The following ITGAV variants were observed in gnomAD, a reference collection of about 807,000 sequenced individuals.
ITGAV encodes the protein integrin alpha-V.
ITGAV carries 76 observed loss-of-function variants against 143.8 expected under a neutral mutation model. The observed-to-expected ratio is 0.53, with a 90% CI of 0.44 to 0.64. ITGAV has a LOEUF of 0.64. ITGAV is among the 30% of genes least tolerant of loss of function. The pLI, the probability that ITGAV is intolerant of heterozygous loss-of-function variation, is 0.00. For missense variants in ITGAV, 1,193 were observed against 1,274.7 expected, an observed-to-expected ratio of 0.94 and a Z score of 0.98; for synonymous variants, 453 against 446.7, an observed-to-expected ratio of 1.01 and a Z score of -0.18.
chr2:186,590,552 G>T, intron 1 of ITGAV, 29 bp downstream of exon 1: 1 of 1,588,866 alleles, frequency 6.3e-7, no homozygotes, highest in Non-Finnish European at 8.6e-7. Context: ...AACTGGAGCC[G>T]GCCCCCTCCC....
At chr2:186,641,170 C>T (rs61765182) in intron 11 of ITGAV, among the ~76,000 whole-genome samples, 4,473 of 151,990 alleles carry the variant, frequency 0.029, 220 homozygotes, top group African/African-American at 0.1. Context: ...GCTTTTATAA[C>T]ATGAACAAAT....
intron 28 of ITGAV, 54 bp from the exon 29 acceptor site, chr2:186,676,759 T>C: frequency 6.5e-7 from 1 of 1,546,230 alleles, no homozygotes; most frequent in Non-Finnish European, 8.8e-7. Flanking sequence ...CTCAGATATT[T>C]GTTGATTAAG....
rs200216626 is a variant in ITGAV at position 186,602,005 on chromosome 2, C to T, written c.186-16C>T. On this transcript the variant is annotated splice_polypyrimidine_tract_variant and intron_variant, in intron 1 of 29. Transcript: ENST00000261023. ...TTGTTTCATTTAAACTTTGGTCTGC[C>T]GCTTTTGTATTTTAGCCGGATGTTT... is the stretch of plus-strand genomic sequence containing the variant. 42 of 1,598,992 alleles carry T rather than the reference C, an allele frequency of 2.6e-5. No individual in the cohort carries two copies. Among genetic ancestry groups the T allele is most frequent in the Middle Eastern group, 3.3e-4 (2 of 5,976 alleles).
In ITGAV at chr2:186,677,639, TTTG is replaced by T. The variant is rs750013127; in HGVS notation, c.*377_*379del. 1,548 of 188,380 alleles carry T rather than the reference TTTG, an allele frequency of 8.2e-3. 3 individuals carry two copies. Among genetic ancestry groups the T allele is most frequent in the Middle Eastern group, 0.015 (6 of 402 alleles). 11.7% of individuals were successfully genotyped at this position (188,380 alleles called of 1,614,324 possible). On this transcript the variant is annotated 3_prime_UTR_variant, in exon 30 of 30. Coordinates refer to ENST00000261023, the MANE Select transcript of ITGAV (RefSeq NM_002210.5). ...TTCTGATTTAATGTACGGAACTTTATTTGTTGTTGTTGTTGTTGTTGTTGTTGT... is the reference window on the plus strand; with the variant it reads ...TTCTGATTTAATGTACGGAACTTTATTTGTTGTTGTTGTTGTTGTTGTTGT...
At chr2:186,635,636 A>T (rs1687928261) in intron 6 of ITGAV, among the ~76,000 whole-genome samples, 1 of 152,226 alleles carries the variant, frequency 6.6e-6, no homozygotes, top group Non-Finnish European at 1.5e-5. Context: ...AAGGTTGTGA[A>T]CAAAGGTGAA....
intron 1 of ITGAV, among the ~76,000 whole-genome samples, chr2:186,593,321 A>G (rs1051940081): frequency 1.3e-5 from 2 of 152,202 alleles, no homozygotes; most frequent in South Asian, 2.1e-4. Context: ...ATGAATCAAT[A>G]TTTATTAAAG....
At chr2:186,663,334 C>CTG (rs1458459531) in intron 18 of ITGAV, among the ~76,000 whole-genome samples, 16 of 152,200 alleles carry the variant, frequency 1.1e-4, no homozygotes, top group African/African-American at 3.1e-4. Flanking sequence ...GCCCTATTTC[C>CTG]TGATATTGGT....
intron 13 of ITGAV, among the ~76,000 whole-genome samples, chr2:186,649,123 TTTCA>T (rs1688353174): frequency 6.6e-6 from 1 of 151,632 alleles, no homozygotes; most frequent in East Asian, 1.9e-4. Flanking sequence ...TTTGCTTTTC[TTTCA>T]TTCATTCATT....
At chr2:186,621,678 T>C (rs1383141787) in intron 2 of ITGAV, among the ~76,000 whole-genome samples, 1 of 152,216 alleles carries the variant, frequency 6.6e-6, no homozygotes, top group Admixed American at 6.5e-5. Flanking sequence ...ATCCCAGGTG[T>C]CCTGTAGGCA....
At chr2:186,606,810 C>A (rs1687078644) in intron 2 of ITGAV, among the ~76,000 whole-genome samples, 1 of 152,058 alleles carries the variant, frequency 6.6e-6, no homozygotes, top group South Asian at 2.1e-4. Context: ...GGTTGTGGCA[C>A]CGACCCAACC....
At chr2:186,624,286 G>A (rs1025898732) in intron 3 of ITGAV, among the ~76,000 whole-genome samples, 17 of 152,022 alleles carry the variant, frequency 1.1e-4, no homozygotes, top group African/African-American at 2.9e-4. Context: ...AATTATTTAC[G>A]TAGTATTTAT....
rs1689299306 is a variant in ITGAV at position 186,679,547 on chromosome 2, A to ACCC, written c.*2255_*2256insCCC. On this transcript the variant is annotated 3_prime_UTR_variant, in exon 30 of 30. Transcript: ENST00000261023. Reference sequence around the variant, plus strand: ...AAAAATTGCCCTATGAAAACTTTAAATCTCTAAAACATTTGAAATACTACC... The same window carrying ACCC: ...AAAAATTGCCCTATGAAAACTTTAAACCCTCTCTAAAACATTTGAAATACTACC... 2 of 152,042 alleles carry ACCC rather than the reference A, an allele frequency of 1.3e-5. No homozygotes were observed. Among genetic ancestry groups the ACCC allele is most frequent in the East Asian group, 3.9e-4 (2 of 5,194 alleles). 9.4% of individuals were successfully genotyped at this position (152,042 alleles called of 1,614,324 possible). A position where few individuals can be genotyped will look rare whatever the true frequency, so the allele number is the denominator to read the frequency against.
intron 1 of ITGAV, among the ~76,000 whole-genome samples, chr2:186,598,847 T>C (rs1367362062): frequency 6.6e-6 from 1 of 152,204 alleles, no homozygotes; most frequent in Non-Finnish European, 1.5e-5. Context: ...CAGATATGAC[T>C]GCATGGAGCT....
intron 10 of ITGAV, among the ~76,000 whole-genome samples, chr2:186,640,700 A>G (rs1574484398): frequency 6.6e-6 from 1 of 152,184 alleles, no homozygotes; most frequent in Admixed American, 6.5e-5. Context: ...TTGTGTATAT[A>G]CATGTAATAT....
At chr2:186,626,401 G>A (rs187514861) in intron 4 of ITGAV, among the ~76,000 whole-genome samples, 133 of 152,256 alleles carry the variant, frequency 8.7e-4, no homozygotes, top group African/African-American at 2.4e-3. Flanking sequence ...TGTACCAGAA[G>A]CATAAAAATA....
In ITGAV at chr2:186,675,702, T is replaced by C. The variant is rs781669980; in HGVS notation, c.2805T>C (p.Thr935=). ...AILYVKSLLW[T]ETFMNKENQN... ...TGTACGTAAAGTCATTACTGTGGAC[T>C]GAGACTTTTATGAATGTAAGTAGAC... The change falls in exon 27 of 30, where the codon ACT becomes ACC. Residue 935 remains threonine, a synonymous_variant. Transcript: ENST00000261023. 1 of 1,611,640 alleles carries C rather than the reference T, an allele frequency of 6.2e-7. No homozygotes were observed. The highest frequency in any genetic ancestry group is 2.2e-5 in the East Asian group (1 of 44,860).
chr2:186,623,059 A>G (rs745866435), intron 3 of ITGAV, among the ~76,000 whole-genome samples: 2 of 152,074 alleles, frequency 1.3e-5, no homozygotes, highest in African/African-American at 2.4e-5. Context: ...GTTGAAGTGG[A>G]ATACAGAACA....
At chr2:186,627,038 C>T (rs150450564) in intron 4 of ITGAV, among the ~76,000 whole-genome samples, 5 of 152,174 alleles carry the variant, frequency 3.3e-5, no homozygotes, top group South Asian at 2.1e-4. Context: ...GATGTACACA[C>T]ACACGCAGTA....
chr2:186,597,272 T>C (rs924968196), intron 1 of ITGAV, among the ~76,000 whole-genome samples: 8 of 152,318 alleles, frequency 5.3e-5, no homozygotes, highest in East Asian at 3.9e-4. Flanking sequence ...CTCTGTCTTA[T>C]AGTGCCAAGT....
Sources: gnomAD v4.1 joint callset for allele counts (sites outside exome capture counted in the v4.1 genomes callset) on GRCh38, gnomAD v4.1.1 for gene constraint, MANE v1.5 for transcripts, NCBI Gene and HGNC (gene_info 2026-07-23, HGNC 2026-07-21) for gene names.